The following PPP2R3B variants were observed in gnomAD, a reference collection of about 807,000 sequenced individuals.
PPP2R3B encodes the protein protein phosphatase 2 regulatory subunit B''beta, also known as serine/threonine-protein phosphatase 2A regulatory subunit B'' subunit beta.
A neutral mutation model predicts 72.9 loss-of-function variants in PPP2R3B; 68 were observed. That is an observed-to-expected ratio of 0.93 (90% CI 0.77 to 1.14). PPP2R3B has a LOEUF of 1.14. PPP2R3B is among the 50% of genes most tolerant of loss of function. PPP2R3B has a pLI of 0.00. For synonymous variants in PPP2R3B, 466 were observed against 375.8 expected (o/e 1.24, Z -2.78); for missense variants, 1,018 against 842.0 (o/e 1.21, Z -2.59).
intron 1 of PPP2R3B, among the ~76,000 whole-genome samples, chrX:382,163 T>C (rs1404953510): frequency 1.3e-5 from 2 of 150,650 alleles, no homozygotes; most frequent in African/African-American, 4.9e-5. Context: ...CTCCAGTCCC[T>C]CAACGTGACC....
intron 5 of PPP2R3B, 123 bp downstream of exon 5, chrX:346,578 C>A: frequency 1.1e-6 from 1 of 951,514 alleles, no homozygotes; most frequent in South Asian, 1.6e-5. Flanking sequence ...AGCGCGGCCG[C>A]CTCCTCCGGA....
intron 2 of PPP2R3B, among the ~76,000 whole-genome samples, chrX:349,149 C>T (rs1278612082): frequency 6.6e-6 from 1 of 152,108 alleles, no homozygotes; most frequent in Non-Finnish European, 1.5e-5. Context: ...TGCTGAAATC[C>T]TCTCCCCCGA....
chrX:361,960 A>C (rs1264107976), intron 1 of PPP2R3B, among the ~76,000 whole-genome samples: 1 of 152,164 alleles, frequency 6.6e-6, no homozygotes, highest in Admixed American at 6.5e-5. Context: ...CACACCTGGC[A>C]GGGACCTGGG....
intron 6 of PPP2R3B, among the ~76,000 whole-genome samples, chrX:345,882 T>TG (rs1297471533): frequency 3.9e-3 from 3 of 762 alleles, no homozygotes; most frequent in Non-Finnish European, 7.5e-3. Context: ...TAGGCGGGTG[T>TG]GGGGGTGGGG....
chrX:359,776 A>G (rs2071504778), intron 2 of PPP2R3B: 1 of 487,102 alleles, frequency 2.1e-6, no homozygotes, highest in Non-Finnish European at 4.0e-6. Context: ...ATATTTGTAC[A>G]TAATTGCTCA....
At chrX:341,427 G>A (rs1020106783) in intron 8 of PPP2R3B, 31 bp from the exon 9 acceptor site, 4 of 1,606,162 alleles carry the variant, frequency 2.5e-6, no homozygotes, top group Non-Finnish European at 3.4e-6. Flanking sequence ...GAGAGACGAA[G>A]ATGCATGTCA....
intron 2 of PPP2R3B, among the ~76,000 whole-genome samples, chrX:353,511 T>C (rs1280616025): frequency 1.3e-5 from 2 of 151,842 alleles, no homozygotes; most frequent in East Asian, 1.9e-4. Context: ...CAAATAAAAA[T>C]AACACCCATT....
In PPP2R3B at chrX:340,972, C is replaced by G. The variant is rs760291086; in HGVS notation, c.1176-32G>C. 18 of 1,600,698 alleles carry G rather than the reference C, an allele frequency of 1.1e-5. No individual in the cohort carries two copies. The South Asian group carries it at 2.0e-4, about 18-fold the overall frequency. The stretch of plus-strand genomic sequence containing the variant: ...CACGGCGAGCTCTGTCAGCCCCTGC[C>G]CTGGGCCCTCCCAGCCCGTGACCTG... On this transcript the variant is annotated intron_variant, in intron 9 of 12. Transcript: ENST00000390665.
rs763739229 is a variant in PPP2R3B, at chrX:369,346, C to T, written c.325-7756G>A. On this transcript the variant is annotated intron_variant, in intron 1 of 12. Coordinates refer to ENST00000390665, the MANE Select transcript of PPP2R3B (RefSeq NM_013239.5). ...TTTAAAAAGAACTTCGTAAAGAGCC[C>T]GTCACCCAAAGCGCACTGATAAAGG... 2.3e-3 allele frequency among the ~76,000 whole-genome samples: 347 copies of T among 152,258 alleles called. 3 individuals are homozygous for T. The highest frequency in any genetic ancestry group is 8.1e-3 in the African/African-American group (337 of 41,560).
chrX:382,359 A>G (rs1428551462), intron 1 of PPP2R3B, among the ~76,000 whole-genome samples: 1 of 151,614 alleles, frequency 6.6e-6, no homozygotes, highest in Non-Finnish European at 1.5e-5. Context: ...CACCACACCC[A>G]GCTAATTTTT....
chrX:350,465 C>T (rs1223210020), intron 2 of PPP2R3B, among the ~76,000 whole-genome samples: 1 of 152,214 alleles, frequency 6.6e-6, no homozygotes, highest in African/African-American at 2.4e-5. Context: ...GGAGAAATGT[C>T]TCTGCAAGGC....
In PPP2R3B at chrX:334,417, C is replaced by T. The variant is rs749525066; in HGVS notation, c.1678G>A (p.Val560Met). 9.9e-5 allele frequency: 157 copies of T among 1,591,232 alleles called. No individual in the cohort carries two copies. Among genetic ancestry groups the T allele is most frequent in the Admixed American group, 1.2e-4 (7 of 57,556 alleles). Residue 560 changes from valine (V) to methionine (M), a missense_variant, in exon 13 of 13, where the codon GTG becomes ATG. Physicochemically the swap from Val to Met is conservative, Grantham distance 21 (BLOSUM62 1). Transcript: ENST00000390665. The stretch of plus-strand genomic sequence containing the variant: ...CCGCATGCGTACTCGTACAGGTCCA[C>T]GGCGCCCAGCGGTGAGGGCGCCTCG... ...FFEAPSPLGA[V>M]DLYEYACGDE...
chrX:346,864 C>A, intron 4 of PPP2R3B, 89 bp from the exon 5 acceptor site: 2 of 1,238,500 alleles, frequency 1.6e-6, no homozygotes, highest in East Asian at 2.6e-5. Flanking sequence ...CGGACCCTCC[C>A]GTGAGCGATG....
intron 7 of PPP2R3B, chrX:345,163 G>C: frequency 1.9e-6 from 1 of 538,530 alleles, no homozygotes; most frequent in Non-Finnish European, 3.6e-6. Flanking sequence ...CTGGAACCTG[G>C]AGCTCCTGAG....
In PPP2R3B at chrX:350,327, G is replaced by A. The variant is rs768908668; in HGVS notation, c.511-2634C>T. Among the ~76,000 whole-genome samples the A allele has an allele frequency of 1.9e-3, 282 of 152,330 alleles. 2 individuals carry two copies. The highest frequency in any genetic ancestry group is 6.5e-3 in the African/African-American group (269 of 41,572). ...GAGGGACGCTGCACGGCTCTGCCGC[G>A]GCCAAGGTTTCTTTCACGGGCCACA... is the stretch of plus-strand genomic sequence containing the variant. On this transcript the variant is annotated intron_variant, in intron 2 of 12. Transcript: ENST00000390665.
At chrX:352,300 G>A (rs1475014094) in intron 2 of PPP2R3B, among the ~76,000 whole-genome samples, 2 of 152,236 alleles carry the variant, frequency 1.3e-5, no homozygotes, top group Admixed American at 6.5e-5. Flanking sequence ...CCGGCAACGC[G>A]GCGGCACGCC....
chrX:356,625 G>A (rs1293103143), intron 2 of PPP2R3B, among the ~76,000 whole-genome samples: 2 of 152,190 alleles, frequency 1.3e-5, no homozygotes, highest in South Asian at 2.1e-4. Flanking sequence ...GCATGTCTGC[G>A]TAAATCAGTG....
At chrX:341,530 T>TCCTGCCCC in intron 8 of PPP2R3B, 134 bp from the exon 9 acceptor site, 1 of 689,546 alleles carries the variant, frequency 1.5e-6, no homozygotes, top group Non-Finnish European at 2.4e-6. Flanking sequence ...CTCCTGCCCC[T>TCCTGCCCC]CCTCCTGCCT....
chrX:370,871 G>A (rs957972807), intron 1 of PPP2R3B, among the ~76,000 whole-genome samples: 3 of 152,232 alleles, frequency 2.0e-5, no homozygotes, highest in East Asian at 1.9e-4. Context: ...CGGGGCTGCC[G>A]CGTAGGGGAC....
Sources: gnomAD v4.1 joint callset for allele counts (sites outside exome capture counted in the v4.1 genomes callset) on GRCh38, gnomAD v4.1.1 for gene constraint, MANE v1.5 for transcripts, NCBI Gene and HGNC (gene_info 2026-07-23, HGNC 2026-07-21) for gene names.